GABRQ: variants seen among roughly 807,000 people sequenced by gnomAD.
GABRQ encodes the protein gamma-aminobutyric acid receptor subunit theta.
Under a neutral mutation model 30.5 loss-of-function variants are expected in GABRQ, and 19 were observed. That is an observed-to-expected ratio of 0.62 (90% CI 0.43 to 0.91). The LOEUF is 0.91. Among genes scored for constraint, GABRQ ranks in the 40% least tolerant of loss-of-function variants. GABRQ has a pLI of 0.00. For synonymous variants in GABRQ, 187 were observed against 210.2 expected, an observed-to-expected ratio of 0.89 and a Z score of 0.95; for missense variants, 520 against 521.4, an observed-to-expected ratio of 1.00 and a Z score of 0.03.
rs957292739 is a variant in GABRQ, at chrX:152,644,682, T to G, written c.239-845T>G. 1.1e-4 allele frequency among the ~76,000 whole-genome samples: 12 copies of G among 111,728 alleles called. No individual in the cohort carries two copies. The Admixed American group carries it at 1.1e-3, about 11-fold the overall frequency. On this transcript the variant is annotated intron_variant, in intron 2 of 8. Transcript: ENST00000598523. ...CTAACACATGAACAGGCTCACATAC[T>G]GTAATACACGCACACACTCACACAT...
intron 2 of GABRQ, among the ~76,000 whole-genome samples, chrX:152,644,351 C>T (rs1295819337): frequency 8.9e-6 from 1 of 112,617 alleles, no homozygotes; most frequent in South Asian, 3.6e-4. Flanking sequence ...TTCACTCACA[C>T]ACATGAACGT....
downstream of GABRQ, among the ~76,000 whole-genome samples, chrX:152,658,315 C>A (rs954206280): frequency 8.9e-6 from 1 of 111,870 alleles, no homozygotes; most frequent in African/African-American, 3.3e-5. Flanking sequence ...TTTTCCCTTG[C>A]CACTCTCTTT....
rs77796656 is a variant in GABRQ at position 152,652,757 on chromosome X, C to A, written c.1375C>A (p.Gln459Lys). 5.8e-6 allele frequency: 7 copies of A among 1,211,830 alleles called. No homozygotes were observed. The Admixed American group carries it at 1.5e-4, about 26-fold the overall frequency. The stretch of plus-strand genomic sequence containing the variant: ...GAGCGATCTCCCCTCCACCTCAGAG[C>A]AGGCCCGGCACAGCTATGGTGTTCG... ...SLSDLPSTSEQARHSYGVRFN... is the reference protein window; with the variant it reads ...SLSDLPSTSEKARHSYGVRFN... Residue 459 changes from glutamine to lysine, a missense_variant, in exon 9 of 9, where the codon CAG (glutamine) becomes AAG (lysine). Physicochemically the swap from Gln to Lys is moderately conservative, Grantham distance 53. Coordinates refer to ENST00000598523, the MANE Select transcript of GABRQ (RefSeq NM_018558.4).
At chrX:152,650,815 G>C (rs985029502) in intron 7 of GABRQ, among the ~76,000 whole-genome samples, 5 of 111,240 alleles carry the variant, frequency 4.5e-5, no homozygotes, top group African/African-American at 1.6e-4. Context: ...GGCCCGTTGA[G>C]CCCCGAGTAC....
intron 7 of GABRQ, among the ~76,000 whole-genome samples, 182 bp downstream of exon 7, chrX:152,650,762 GAT>G (rs1931001622): frequency 9.0e-6 from 1 of 111,328 alleles, no homozygotes; most frequent in Non-Finnish European, 1.9e-5. Context: ...TAGAGAGACC[GAT>G]ATTAGAGACA....
chrX:152,648,266 G>A (rs1405097816), intron 4 of GABRQ, among the ~76,000 whole-genome samples: 2 of 111,474 alleles, frequency 1.8e-5, no homozygotes, highest in African/African-American at 6.5e-5. Flanking sequence ...AGGGGAGGCT[G>A]TAGAGAGCTT....
intron 1 of GABRQ, 63 bp from the exon 2 acceptor site, chrX:152,640,315 A>C (rs782113448): frequency 2.9e-6 from 2 of 686,189 alleles, no homozygotes; most frequent in Non-Finnish European, 4.8e-6. Context: ...GGCCCTAGCA[A>C]GGCAACCACT....
rs369153293 is a variant in GABRQ, at chrX:152,653,043, C to T, written c.1661C>T (p.Thr554Ile). The change falls in exon 9 of 9, where the codon ACT becomes ATT. Residue 554 changes from threonine (T) to isoleucine (I), a missense_variant. Physicochemically the swap from Thr to Ile is moderately conservative, Grantham distance 89. Coordinates refer to ENST00000598523, the MANE Select transcript of GABRQ (RefSeq NM_018558.4). ...LAIKEQFKCD[T>I]NSTWGLNDDE... The stretch of plus-strand genomic sequence containing the variant: ...ATTAAGGAGCAATTCAAGTGTGATA[C>T]TAACAGTACCTGGGGCCTTAATGAT... The T allele has an allele frequency of 5.9e-5, 71 of 1,208,555 alleles. 1 individual carries two copies. Among genetic ancestry groups the T allele is most frequent in the Non-Finnish European group, 7.7e-5 (69 of 893,648 alleles).
chrX:152,653,072 G>A lies in GABRQ; in HGVS notation c.1690G>A (p.Glu564Lys). 8.3e-7 allele frequency: 1 copy of A among 1,208,090 alleles called. No individual in the cohort carries two copies. ...CAGTACCTGGGGCCTTAATGATGAT[G>A]AGCTCATGGCCCATGGCCAAGAGAA... ...TNSTWGLNDD[E>K]LMAHGQEKDS... Residue 564 changes from glutamate to lysine, a missense_variant, in exon 9 of 9, where the codon GAG becomes AAG. By Grantham distance (56) the Glu-to-Lys change is moderately conservative. Coordinates refer to ENST00000598523, the MANE Select transcript of GABRQ (RefSeq NM_018558.4).
Position 152,653,306 on chromosome X carries a change from G to A in GABRQ, c.*25G>A. 1 of 1,113,876 alleles carries A rather than the reference G, an allele frequency of 9.0e-7. No individual in the cohort carries two copies. Among genetic ancestry groups the A allele is most frequent in the Non-Finnish European group, 1.2e-6 (1 of 815,148 alleles). 91.8% of individuals were successfully genotyped at this position (1,113,876 alleles called of 1,213,427 possible). ...GTCCCCCAGTGCTCCAGAACAGCGG[G>A]AGCACTGTGCTGTGCTCCTTTCAGT... On this transcript the variant is annotated 3_prime_UTR_variant, in exon 9 of 9. Transcript: ENST00000598523.
At chrX:152,647,290 T>G (rs1444020107) in intron 4 of GABRQ, 122 bp downstream of exon 4, 1 of 507,364 alleles carries the variant, frequency 2.0e-6, no homozygotes, top group African/African-American at 2.3e-5. Flanking sequence ...GTCTTGAACT[T>G]CCCCCTTCAC....
chrX:152,643,087 G>A (rs997912784), intron 2 of GABRQ, among the ~76,000 whole-genome samples: 1 of 112,354 alleles, frequency 8.9e-6, no homozygotes, highest in Non-Finnish European at 1.9e-5. Context: ...GAATGGTCTA[G>A]AGAAGTCTAA....
rs1930969452 is a variant in GABRQ at position 152,649,590 on chromosome X, G to A, written c.611-152G>A. The A allele has an allele frequency of 6.3e-6, 3 of 474,340 alleles. No homozygotes were observed. The African/African-American group carries it at 7.2e-5, about 11-fold the overall frequency. The allele number at this position is 474,340 out of a possible 1,213,427, so 39.1% of individuals were successfully genotyped here. A position where few individuals can be genotyped will look rare whatever the true frequency, so the allele number is the denominator to read the frequency against. On this transcript the variant is annotated intron_variant, in intron 5 of 8. Coordinates refer to ENST00000598523, the MANE Select transcript of GABRQ (RefSeq NM_018558.4). ...TAAATACAGCATCTGGGACTAGGTG[G>A]TCTTTAGAGCATAAACGGTCCTCTG...
intron 7 of GABRQ, 150 bp downstream of exon 7, chrX:152,650,730 C>T: frequency 2.1e-6 from 1 of 481,027 alleles, no homozygotes; most frequent in Admixed American, 3.3e-5. Context: ...CACCTTTGTA[C>T]AGGTGCACAG....
intron 1 of GABRQ, 143 bp downstream of exon 1, chrX:152,638,494 G>A (rs1391299346): frequency 1.1e-5 from 6 of 539,181 alleles, no homozygotes; most frequent in Middle Eastern, 4.8e-4. Context: ...CTGGCGCCCG[G>A]GCCCTGCCTG....
At chrX:152,641,256 C>G (rs1186587864) in intron 2 of GABRQ, among the ~76,000 whole-genome samples, 2 of 112,200 alleles carry the variant, frequency 1.8e-5, no homozygotes, top group Non-Finnish European at 1.9e-5. Flanking sequence ...CCCGGCGTAG[C>G]AAACGCAGCA....
At chrX:152,639,028 G>A (rs993793939) in intron 1 of GABRQ, among the ~76,000 whole-genome samples, 1 of 110,692 alleles carries the variant, frequency 9.0e-6, no homozygotes, top group Non-Finnish European at 1.9e-5. Flanking sequence ...AGTTTGTTTG[G>A]GTGTGCGAGT....
chrX:152,647,150 C>T lies in GABRQ; in HGVS notation c.509C>T (p.Thr170Met), dbSNP rs781935399. The T allele has an allele frequency of 2.5e-6, 3 of 1,198,150 alleles. No homozygotes were observed. Among genetic ancestry groups the T allele is most frequent in the South Asian group, 3.5e-5 (2 of 56,494 alleles). The stretch of plus-strand genomic sequence containing the variant: ...GTGTTTCAGCTTCACCCAGATGGAA[C>T]GGTGCGGTACGGCATCCGGTGAGTC... ...NRVFQLHPDG[T>M]VRYGIRLTTT... Residue 170 changes from threonine (T) to methionine (M), a missense_variant, in exon 4 of 9, where the codon ACG (threonine) becomes ATG (methionine). Thr to Met is a moderately conservative substitution (Grantham distance 81). Transcript: ENST00000598523.
Position 152,651,581 on chromosome X carries a change from C to A in GABRQ, c.957C>A (p.Leu319=). The change falls in exon 8 of 9, where the codon CTC becomes CTA. Residue 319 remains leucine (L), a synonymous_variant. Transcript: ENST00000598523. ...TTIDSHLRDK[L]PNISCIKAID... ...TCGACTCACATCTGCGGGATAAGCTCCCCAACATTTCCTGTATCAAGGCCA... is the reference window on the plus strand; with the variant it reads ...TCGACTCACATCTGCGGGATAAGCTACCCAACATTTCCTGTATCAAGGCCA... The A allele has an allele frequency of 3.3e-6, 4 of 1,206,016 alleles. No individual in the cohort carries two copies. Among genetic ancestry groups the A allele is most frequent in the Non-Finnish European group, 4.5e-6 (4 of 889,945 alleles).
Sources: gnomAD v4.1 joint callset for allele counts (sites outside exome capture counted in the v4.1 genomes callset) on GRCh38, gnomAD v4.1.1 for gene constraint, MANE v1.5 for transcripts, NCBI Gene and HGNC (gene_info 2026-07-23, HGNC 2026-07-21) for gene names.